NELL1: variants seen among roughly 807,000 people sequenced by gnomAD.
The protein encoded by NELL1 is neural EGFL like 1.
A neutral mutation model predicts 107.4 loss-of-function variants in NELL1; 76 were observed. The ratio of observed to expected loss-of-function variants is 0.71; its 90% CI spans 0.59 to 0.86. The LOEUF (loss-of-function observed/expected upper bound fraction) is 0.86. Ranked by LOEUF, NELL1 falls within the 40% of genes least tolerant of loss-of-function variation. NELL1 has a pLI of 0.00. For synonymous variants in NELL1, 353 were observed against 341.2 expected, an observed-to-expected ratio of 1.03 and a Z score of -0.38; for missense variants, 1,024 against 1,005.5, an observed-to-expected ratio of 1.02 and a Z score of -0.25.
At chr11:21,122,966 A>T (rs995768159) in intron 13 of NELL1, among the ~76,000 whole-genome samples, 1 of 152,102 alleles carries the variant, frequency 6.6e-6, no homozygotes, top group African/African-American at 2.4e-5. Context: ...TTACTTGGTT[A>T]TTTTCAGTAT....
chr11:20,814,347 A>G (rs1346728990), intron 3 of NELL1, among the ~76,000 whole-genome samples: 1 of 152,216 alleles, frequency 6.6e-6, no homozygotes, highest in East Asian at 1.9e-4. Context: ...GGTGTGCTAC[A>G]TTGGCATATT....
intron 12 of NELL1, among the ~76,000 whole-genome samples, chr11:21,020,170 G>A (rs1206820068): frequency 6.6e-6 from 1 of 152,068 alleles, no homozygotes; most frequent in African/African-American, 2.4e-5. Flanking sequence ...CACCTTGAAT[G>A]GTACTTGGCA....
chr11:20,878,188 A>C (rs1849341088), intron 4 of NELL1, among the ~76,000 whole-genome samples: 2 of 151,558 alleles, frequency 1.3e-5, no homozygotes, highest in South Asian at 2.1e-4. Flanking sequence ...GTGAAAACCC[A>C]TCTCTACTAA....
chr11:21,132,676 C>T (rs1590666156), intron 13 of NELL1, among the ~76,000 whole-genome samples: 1 of 152,122 alleles, frequency 6.6e-6, no homozygotes, highest in Admixed American at 6.5e-5. Context: ...AACCACAGAG[C>T]CCCAAAGAAG....
At chr11:21,237,822 T>G (rs1275307306) in intron 14 of NELL1, among the ~76,000 whole-genome samples, 1 of 152,122 alleles carries the variant, frequency 6.6e-6, no homozygotes, top group Non-Finnish European at 1.5e-5. Flanking sequence ...CTCTGATTAT[T>G]TGATGGATTC....
At chr11:21,307,740 A>G (rs558261307) in intron 14 of NELL1, among the ~76,000 whole-genome samples, 1 of 152,116 alleles carries the variant, frequency 6.6e-6, no homozygotes, top group South Asian at 2.1e-4. Context: ...TTCTAAGATA[A>G]CAGGCAAAAT....
chr11:21,309,282 A>ATATATATATATATATATG (rs1554999544), intron 14 of NELL1, among the ~76,000 whole-genome samples: 79 of 10,314 alleles, frequency 7.7e-3, no homozygotes, highest in East Asian at 0.056. Flanking sequence ...ATATATATGT[A>ATATATATATATATATATG]TATATATATA....
chr11:20,802,408 G>GTT (rs199782567), intron 3 of NELL1, among the ~76,000 whole-genome samples: 2,709 of 145,126 alleles, frequency 0.019, 29 homozygotes, highest in Admixed American at 0.027. Flanking sequence ...CAGAAATGCT[G>GTT]TTTTTTTTTT....
At chr11:21,181,510 T>G (rs1400978349) in intron 13 of NELL1, among the ~76,000 whole-genome samples, 2 of 151,904 alleles carry the variant, frequency 1.3e-5, no homozygotes, top group Non-Finnish European at 1.5e-5. Context: ...GAGATTGGAA[T>G]CCCATTTCAA....
At chr11:21,397,060 T>C (rs1470463523) in intron 15 of NELL1, among the ~76,000 whole-genome samples, 1 of 151,694 alleles carries the variant, frequency 6.6e-6, no homozygotes, top group East Asian at 1.9e-4. Context: ...CATGAAATAA[T>C]GTGTCAAAAG....
chr11:20,953,011 A>G (rs1367068237), intron 11 of NELL1, among the ~76,000 whole-genome samples: 4 of 152,150 alleles, frequency 2.6e-5, no homozygotes, highest in Non-Finnish European at 5.9e-5. Flanking sequence ...CTCCTGTGTT[A>G]TGTGTATTGA....
chr11:20,933,828 G>A (rs1033234291), intron 9 of NELL1, among the ~76,000 whole-genome samples: 4 of 152,200 alleles, frequency 2.6e-5, no homozygotes, highest in African/African-American at 7.2e-5. Context: ...GAAGGGCCAG[G>A]TGTCTGTCGG....
At chr11:20,733,141 C>T (rs1855685618) in intron 2 of NELL1, among the ~76,000 whole-genome samples, 1 of 152,176 alleles carries the variant, frequency 6.6e-6, no homozygotes, top group Non-Finnish European at 1.5e-5. Context: ...CTCCCCGCTT[C>T]CTCTTCCTCC....
At chr11:21,417,877 C>T (rs1003509003) in intron 15 of NELL1, among the ~76,000 whole-genome samples, 6 of 151,936 alleles carry the variant, frequency 3.9e-5, no homozygotes, top group South Asian at 2.1e-4. Context: ...TGAAACAAAA[C>T]AAAACAAGTC....
intron 2 of NELL1, among the ~76,000 whole-genome samples, chr11:20,678,790 A>G (rs1615231): frequency 0.86 from 130,494 of 152,164 alleles, 56,349 homozygotes; most frequent in Non-Finnish European, 0.88. Flanking sequence ...ATCCATTCAC[A>G]AGGGCAAAGA....
chr11:21,486,733 C>A (rs1177294009), intron 15 of NELL1, among the ~76,000 whole-genome samples: 1 of 151,962 alleles, frequency 6.6e-6, no homozygotes, highest in Non-Finnish European at 1.5e-5. Context: ...ATATAAAAAA[C>A]AATTCAGGAT....
At chr11:21,330,075 C>T (rs563497049) in intron 14 of NELL1, among the ~76,000 whole-genome samples, 4 of 152,034 alleles carry the variant, frequency 2.6e-5, no homozygotes, top group South Asian at 4.2e-4. Context: ...CTGTGGATCT[C>T]GGTAACCAAT....
rs139391352 is a variant in NELL1, at chr11:21,278,260, T to A, written c.1549+48806T>A. Among the ~76,000 whole-genome samples the A allele has an allele frequency of 7.9e-5, 12 of 152,284 alleles. No homozygotes were observed. In the East Asian group the frequency reaches 1.7e-3, roughly 22 times the overall value. On this transcript the variant is annotated intron_variant, in intron 14 of 19. Transcript: ENST00000357134. ...AGTATATCCCCTCTTACCACTGTTT[T>A]TTTCTTAGCATAGTATTCTAAATCA...
chr11:20,943,055 G>GT (rs5790149), intron 10 of NELL1, among the ~76,000 whole-genome samples: 1,431 of 142,414 alleles, frequency 0.01, 5 homozygotes, highest in African/African-American at 0.017. Context: ...ATCTTTTACT[G>GT]TTTTTTTTTT....
Sources: gnomAD v4.1 joint callset for allele counts (sites outside exome capture counted in the v4.1 genomes callset) on GRCh38, gnomAD v4.1.1 for gene constraint, MANE v1.5 for transcripts, NCBI Gene and HGNC (gene_info 2026-07-23, HGNC 2026-07-21) for gene names.